The following GALNT2 variants were observed in gnomAD, a reference collection of about 807,000 sequenced individuals.
The protein encoded by GALNT2 is UDP-GalNAc:polypeptide N-acetylgalactosaminyltransferase 2.
In GALNT2, 31 loss-of-function variants were observed where a neutral mutation model predicts 81.4. That is an observed-to-expected ratio of 0.38 (90% CI 0.29 to 0.51). GALNT2 has a LOEUF of 0.51. GALNT2 is among the 20% of genes least tolerant of loss of function. The pLI is 0.87. For missense variants in GALNT2, 629 were observed against 765.7 expected (o/e 0.82, Z 2.11); for synonymous variants, 303 against 287.4 (o/e 1.05, Z -0.55).
At chr1:230,270,626 G>A (rs781181687) in intron 14 of GALNT2, among the ~76,000 whole-genome samples, 7 of 152,200 alleles carry the variant, frequency 4.6e-5, no homozygotes, top group Non-Finnish European at 7.3e-5. Context: ...TCTCTGAACC[G>A]ATAGAAAGTG....
intron 3 of GALNT2, among the ~76,000 whole-genome samples, chr1:230,233,854 A>G (rs1664941983): frequency 6.6e-6 from 1 of 152,194 alleles, no homozygotes; most frequent in Non-Finnish European, 1.5e-5. Flanking sequence ...TGCATAGGGG[A>G]GAGGCAAGTG....
chr1:230,190,100 T>C (rs999884628), intron 2 of GALNT2, among the ~76,000 whole-genome samples: 5 of 152,254 alleles, frequency 3.3e-5, no homozygotes, highest in African/African-American at 1.2e-4. Flanking sequence ...TGCACAGTGT[T>C]GTCATAAGGA....
At chr1:230,197,464 T>C (rs1663734561) in intron 2 of GALNT2, among the ~76,000 whole-genome samples, 1 of 152,112 alleles carries the variant, frequency 6.6e-6, no homozygotes, top group Admixed American at 6.5e-5. Flanking sequence ...ACACCCCTCA[T>C]GGGTGTCACA....
In GALNT2 at chr1:230,236,687, T is replaced by C. The variant is rs374087942; in HGVS notation, c.569T>C (p.Ile190Thr). The C allele has an allele frequency of 7.4e-6, 12 of 1,613,578 alleles. No homozygotes were observed. Among genetic ancestry groups the C allele is most frequent in the East Asian group, 2.2e-5 (1 of 44,900 alleles). Residue 190 changes from isoleucine (I) to threonine (T), a missense_variant, in exon 6 of 16, where the codon ATT (isoleucine) becomes ACT (threonine). Transcript: ENST00000366672. Reference sequence around the variant, plus strand: ...GAGGACGGGGCTCTCTTGGGGAAAATTGAGAAAGTGCGAGTTCTTAGAAAT... The same window carrying C: ...GAGGACGGGGCTCTCTTGGGGAAAACTGAGAAAGTGCGAGTTCTTAGAAAT... ...DPEDGALLGKIEKVRVLRNDR... is the reference protein window; with the variant it reads ...DPEDGALLGKTEKVRVLRNDR...
chr1:230,228,509 A>T (rs1664780413), intron 3 of GALNT2, among the ~76,000 whole-genome samples: 1 of 152,160 alleles, frequency 6.6e-6, no homozygotes, highest in Non-Finnish European at 1.5e-5. Context: ...CTCATCAGTG[A>T]TGAAATAATG....
At chr1:230,067,428 G>C in intron 1 of GALNT2, 22 bp downstream of exon 1, 1 of 1,080,570 alleles carries the variant, frequency 9.3e-7, no homozygotes, top group Non-Finnish European at 1.2e-6. Flanking sequence ...GCCCTGCCGC[G>C]GCCGGGCCCC....
At chr1:230,214,992 G>A (rs1156256625) in intron 3 of GALNT2, among the ~76,000 whole-genome samples, 2 of 152,174 alleles carry the variant, frequency 1.3e-5, no homozygotes, top group African/African-American at 4.8e-5. Flanking sequence ...GGCTCTCACT[G>A]ACTTTTTCCT....
Position 230,279,337 on chromosome 1 carries a change from G to C in GALNT2, c.1595G>C (p.Arg532Thr). The C allele has an allele frequency of 6.2e-7, 1 of 1,614,170 alleles. No individual in the cohort carries two copies. The change falls in exon 16 of 16, where the codon AGG becomes ACG. Residue 532 changes from arginine to threonine, a missense_variant. Physicochemically the swap from Arg to Thr is moderately conservative, Grantham distance 71. Coordinates refer to ENST00000366672, the MANE Select transcript of GALNT2 (RefSeq NM_004481.5). The surrounding 1 kb of genome is among the most constrained non-coding windows in gnomAD (Gnocchi z 4.6). ...CAGATCGAGGGCAACTCCAAGCTGA[G>C]GCACGTGGGCAGCAACCTGTGCCTG... ...WEQIEGNSKL[R>T]HVGSNLCLDS...
intron 2 of GALNT2, among the ~76,000 whole-genome samples, chr1:230,198,058 G>A (rs530300231): frequency 9.2e-5 from 14 of 152,358 alleles, no homozygotes; most frequent in Non-Finnish European, 1.6e-4. Context: ...TCGGCACGCA[G>A]CGATGAGATG....
chr1:230,167,027 C>A (rs542204398), intron 1 of GALNT2, among the ~76,000 whole-genome samples: 1 of 151,828 alleles, frequency 6.6e-6, no homozygotes, highest in South Asian at 2.1e-4. Context: ...AGCTTAATTA[C>A]AAATTTTCCA....
At chr1:230,200,062 C>CTTTTTT (rs34212427) in intron 2 of GALNT2, among the ~76,000 whole-genome samples, 3 of 113,518 alleles carry the variant, frequency 2.6e-5, no homozygotes, top group Non-Finnish European at 5.1e-5. Context: ...TCTTTTTTTT[C>CTTTTTT]TTTTTTTTTT....
chr1:230,138,776 A>G (rs529525926), intron 1 of GALNT2, among the ~76,000 whole-genome samples: 1 of 152,254 alleles, frequency 6.6e-6, no homozygotes, highest in South Asian at 2.1e-4. Flanking sequence ...CATGGCACTG[A>G]TGGGAGCGTC....
At chr1:230,222,321 G>C (rs6663552) in intron 3 of GALNT2, among the ~76,000 whole-genome samples, 86,321 of 151,816 alleles carry the variant, frequency 0.57, 27,244 homozygotes, top group East Asian at 0.9. Flanking sequence ...TCTGCCTGTT[G>C]CCTCTGCTTT....
At chr1:230,095,339 A>G (rs984010903) in intron 1 of GALNT2, among the ~76,000 whole-genome samples, 9 of 152,096 alleles carry the variant, frequency 5.9e-5, no homozygotes, top group African/African-American at 2.2e-4. Flanking sequence ...CCGTTATAGA[A>G]ACTCCATGAG....
chr1:230,102,105 T>C (rs189092344), intron 1 of GALNT2, among the ~76,000 whole-genome samples: 2 of 152,330 alleles, frequency 1.3e-5, no homozygotes, highest in East Asian at 1.9e-4. Context: ...TTTTAGGTGC[T>C]AGTAAGTTTT....
At chr1:230,214,280 T>A (rs942553886) in intron 3 of GALNT2, among the ~76,000 whole-genome samples, 12 of 151,952 alleles carry the variant, frequency 7.9e-5, no homozygotes, top group African/African-American at 2.9e-4. Context: ...ACCTGGCCAA[T>A]TTTGTATTTT....
intron 1 of GALNT2, among the ~76,000 whole-genome samples, chr1:230,068,202 T>TC (rs1295912098): frequency 6.6e-6 from 1 of 152,222 alleles, no homozygotes; most frequent in African/African-American, 2.4e-5. Flanking sequence ...GGCCGAGTGA[T>TC]CTGGCTGTGG....
intron 2 of GALNT2, among the ~76,000 whole-genome samples, chr1:230,191,633 T>C (rs936482060): frequency 1.3e-5 from 2 of 152,194 alleles, no homozygotes; most frequent in African/African-American, 4.8e-5. Flanking sequence ...TGCTTCAGCC[T>C]CCCACACAGC....
chr1:230,238,198 ACAC>A (rs1665091497), intron 6 of GALNT2, among the ~76,000 whole-genome samples: 1 of 152,238 alleles, frequency 6.6e-6, no homozygotes. Context: ...GTAAGCATAC[ACAC>A]AAAGTGCTTG....
Sources: allele counts gnomAD v4.1 joint callset (sites outside exome capture counted in the v4.1 genomes callset), GRCh38; gene constraint gnomAD v4.1.1; non-coding constraint Gnocchi (gnomAD v3.1); transcripts MANE v1.5; gene names NCBI Gene and HGNC (gene_info 2026-07-23, HGNC 2026-07-21).